PDE10A: variants seen among roughly 807,000 people sequenced by gnomAD.
PDE10A encodes cAMP and cAMP-inhibited cGMP 3',5'-cyclic phosphodiesterase 10A.
Under a neutral mutation model 97.7 loss-of-function variants are expected in PDE10A, and 39 were observed. The observed-to-expected ratio is 0.40, with a 90% confidence interval of 0.31 to 0.52. PDE10A has a LOEUF of 0.52. PDE10A is among the 20% of genes least tolerant of loss of function. The pLI is 0.56. For missense variants in PDE10A, 731 were observed against 1,047.8 expected (o/e 0.70, Z 4.17); for synonymous variants, 371 against 376.8 (o/e 0.98, Z 0.18).
At chr6:165,847,415 T>C (rs1159959536) in intron 1 of PDE10A, among the ~76,000 whole-genome samples, 1 of 152,264 alleles carries the variant, frequency 6.6e-6, no homozygotes, top group Non-Finnish European at 1.5e-5. Flanking sequence ...TTCTCTGCAT[T>C]GTTTAACACA....
At chr6:165,498,423 CAAAAAAAAAAAAAAAAAAAA>C (rs35069498) in intron 2 of PDE10A, among the ~76,000 whole-genome samples, 294 of 22,874 alleles carry the variant, frequency 0.013, 3 homozygotes, top group Middle Eastern at 0.05. Context: ...ACCCTGTCTC[CAAAAAAAAAAAAAAAAAAAA>C]AAAAAAAAAA....
At chr6:165,832,272 G>GAGGAACGTTCTGGAGGA (rs1391966746) in intron 1 of PDE10A, among the ~76,000 whole-genome samples, 3 of 152,124 alleles carry the variant, frequency 2.0e-5, no homozygotes, top group Non-Finnish European at 4.4e-5. Flanking sequence ...GGGAGGCGGA[G>GAGGAACGTTCTGGAGGA]AGGAACGTTC....
At chr6:165,919,183 T>G (rs1180071155) in intron 1 of PDE10A, among the ~76,000 whole-genome samples, 1 of 152,212 alleles carries the variant, frequency 6.6e-6, no homozygotes, top group African/African-American at 2.4e-5. Flanking sequence ...AGATGGCAAG[T>G]GGATCATCAG....
chr6:165,459,190 C>T (rs189380626), intron 3 of PDE10A, among the ~76,000 whole-genome samples: 214 of 152,316 alleles, frequency 1.4e-3, no homozygotes, highest in African/African-American at 4.8e-3. Context: ...GCCTCCCTGA[C>T]TTCCTCCATG....
chr6:165,941,823 T>C (rs1783533320), intron 1 of PDE10A, among the ~76,000 whole-genome samples: 1 of 152,188 alleles, frequency 6.6e-6, no homozygotes, highest in Admixed American at 6.5e-5. Context: ...CTCAAGTGTT[T>C]CTTTATAACA....
intron 17 of PDE10A, among the ~76,000 whole-genome samples, chr6:165,384,686 A>G (rs13202475): frequency 0.41 from 52,743 of 127,292 alleles, 12,831 homozygotes; most frequent in African/African-American, 0.54. Context: ...GGGGGCGACT[A>G]AAGGTTAGCT....
At chr6:165,609,986 T>G (rs1787411921) in intron 1 of PDE10A, among the ~76,000 whole-genome samples, 1 of 152,196 alleles carries the variant, frequency 6.6e-6, no homozygotes. Flanking sequence ...AATGACTTTC[T>G]TCACAGAATT....
chr6:165,603,697 CCA>C (rs903791280), intron 1 of PDE10A, among the ~76,000 whole-genome samples: 1 of 152,320 alleles, frequency 6.6e-6, no homozygotes, highest in East Asian at 1.9e-4. Flanking sequence ...AGCGACTTCA[CCA>C]CAGTCATGGG....
intron 1 of PDE10A, among the ~76,000 whole-genome samples, chr6:165,847,332 C>T (rs185392592): frequency 2.7e-4 from 41 of 152,338 alleles, no homozygotes; most frequent in African/African-American, 8.4e-4. Context: ...TCATTAAGCT[C>T]ACGCAAGCGG....
chr6:165,840,639 C>T (rs1472453044), intron 1 of PDE10A, among the ~76,000 whole-genome samples: 1 of 152,180 alleles, frequency 6.6e-6, no homozygotes, highest in Non-Finnish European at 1.5e-5. Flanking sequence ...TCAAGGTGCA[C>T]ACTTGCCGTT....
intron 1 of PDE10A, among the ~76,000 whole-genome samples, chr6:165,695,222 AAG>A (rs1554306860): frequency 6.6e-6 from 1 of 151,806 alleles, no homozygotes; most frequent in African/African-American, 2.4e-5. Context: ...AAAAAAAAAA[AAG>A]AAAGAAAAGC....
intron 1 of PDE10A, among the ~76,000 whole-genome samples, chr6:165,702,045 AG>A (rs997023569): frequency 1.5e-4 from 23 of 152,170 alleles, no homozygotes; most frequent in Non-Finnish European, 2.1e-4. Context: ...GCCAGGAGGC[AG>A]GCAGGGCCAG....
intron 13 of PDE10A, among the ~76,000 whole-genome samples, chr6:165,399,678 T>C (rs924461210): frequency 6.6e-6 from 1 of 151,902 alleles, no homozygotes; most frequent in African/African-American, 2.4e-5. Flanking sequence ...ATGTGGTGTT[T>C]GGTTTTCTGT....
intron 2 of PDE10A, among the ~76,000 whole-genome samples, chr6:165,517,480 T>C (rs1197404779): frequency 1.3e-5 from 2 of 152,308 alleles, no homozygotes; most frequent in African/African-American, 2.4e-5. Context: ...ATTAATATTA[T>C]CCATAATTTC....
At chr6:165,437,958 T>C (rs551256740) in intron 5 of PDE10A, among the ~76,000 whole-genome samples, 107 of 152,368 alleles carry the variant, frequency 7.0e-4, no homozygotes, top group African/African-American at 2.1e-3. Context: ...TAAATGATTT[T>C]GGCAGTTGAA....
At chr6:165,860,473 A>C (rs577418099) in intron 1 of PDE10A, among the ~76,000 whole-genome samples, 2 of 152,152 alleles carry the variant, frequency 1.3e-5, no homozygotes, top group South Asian at 4.2e-4. Context: ...ACAAAACAAA[A>C]CAAACAAACA....
intron 1 of PDE10A, among the ~76,000 whole-genome samples, chr6:165,844,136 C>G (rs993819734): frequency 2.6e-5 from 4 of 152,178 alleles, no homozygotes; most frequent in African/African-American, 4.8e-5. Context: ...GTGAGATTTT[C>G]TGAAACTATC....
chr6:165,690,868 G>A (rs143411710), intron 1 of PDE10A, among the ~76,000 whole-genome samples: 10 of 152,240 alleles, frequency 6.6e-5, no homozygotes, highest in East Asian at 5.8e-4. Flanking sequence ...CTTCTGGAGA[G>A]ACTAATATTT....
intron 17 of PDE10A, among the ~76,000 whole-genome samples, chr6:165,384,701 A>C (rs926798767): frequency 6.8e-6 from 1 of 146,752 alleles, no homozygotes; most frequent in Non-Finnish European, 1.5e-5. Context: ...TTAGCTTTTC[A>C]AGTCTATTGT....
Sources: gnomAD v4.1 joint callset for allele counts (sites outside exome capture counted in the v4.1 genomes callset) on GRCh38, gnomAD v4.1.1 for gene constraint, MANE v1.5 for transcripts, NCBI Gene and HGNC (gene_info 2026-07-23, HGNC 2026-07-21) for gene names.